Variants in TCF4 observed in about 807,000 individuals in gnomAD.
TCF4 encodes the protein SL3-3 enhancer factor 2.
Under a neutral mutation model 82.1 loss-of-function variants are expected in TCF4, and 3 were observed. The ratio of observed to expected loss-of-function variants is 0.04; its 90% CI spans 0.02 to 0.09. TCF4 has a LOEUF of 0.09. TCF4 is among the 10% of genes least tolerant of loss of function. The probability of loss-of-function intolerance (pLI) is 1.00; values close to 1 mark genes in which losing one functional copy is unlikely to be tolerated. For missense variants in TCF4, 518 were observed against 852.7 expected, an observed-to-expected ratio of 0.61 and a Z score of 4.89; for synonymous variants, 276 against 309.6, an observed-to-expected ratio of 0.89 and a Z score of 1.14.
At chr18:55,606,410 G>A (rs1469214670) in intron 2 of TCF4, among the ~76,000 whole-genome samples, 1 of 152,026 alleles carries the variant, frequency 6.6e-6, no homozygotes, top group African/African-American at 2.4e-5. Flanking sequence ...TCTCTGTTCT[G>A]AGCCTAATTC....
rs191457696 is a variant in TCF4, at chr18:55,367,877, A to G, written c.370-16874T>C. ...AGGGAGAAGAAGCTTCATTAAACCAATTTACTTATGGCTATTTTGCAACCT... is the reference window on the plus strand; with the variant it reads ...AGGGAGAAGAAGCTTCATTAAACCAGTTTACTTATGGCTATTTTGCAACCT... On this transcript the variant is annotated intron_variant, in intron 6 of 19. Transcript: ENST00000354452. Among the ~76,000 whole-genome samples the G allele has an allele frequency of 7.2e-5, 11 of 152,328 alleles. No individual in the cohort carries two copies. The East Asian group carries it at 2.1e-3, about 29-fold the overall frequency.
chr18:55,313,602 G>A (rs1301666614), intron 8 of TCF4, among the ~76,000 whole-genome samples: 1 of 152,064 alleles, frequency 6.6e-6, no homozygotes, highest in African/African-American at 2.4e-5. Flanking sequence ...TATTCTACTG[G>A]CTGAAGAAAG....
intron 5 of TCF4, among the ~76,000 whole-genome samples, chr18:55,451,228 G>T (rs1236206944): frequency 6.6e-6 from 1 of 152,158 alleles, no homozygotes; most frequent in Non-Finnish European, 1.5e-5. Flanking sequence ...TCATTACCCA[G>T]ACGAAAATGA....
chr18:55,589,120 C>T (rs2097677980), upstream of TCF4, among the ~76,000 whole-genome samples: 1 of 151,814 alleles, frequency 6.6e-6, no homozygotes, highest in South Asian at 2.1e-4. Flanking sequence ...ACACATTCTA[C>T]AAATCCTGGT....
intron 14 of TCF4, among the ~76,000 whole-genome samples, chr18:55,256,399 G>A (rs933103333): frequency 2.0e-5 from 3 of 152,128 alleles, no homozygotes; most frequent in Admixed American, 2.0e-4. Context: ...GCTGGGTAGT[G>A]CATATATGTT....
chr18:55,353,001 C>T (rs188924018), intron 6 of TCF4, among the ~76,000 whole-genome samples: 1 of 152,270 alleles, frequency 6.6e-6, no homozygotes, highest in Admixed American at 6.5e-5. Context: ...CAAATCACCC[C>T]TATTTCTTCA....
intron 6 of TCF4, among the ~76,000 whole-genome samples, chr18:55,389,075 G>A (rs9953983): frequency 0.058 from 8,830 of 151,284 alleles, 816 homozygotes; most frequent in African/African-American, 0.2. Context: ...GCAGTGAGCC[G>A]AGATCACACC....
intron 3 of TCF4, among the ~76,000 whole-genome samples, chr18:55,516,134 A>G (rs1001446992): frequency 2.6e-5 from 4 of 152,144 alleles, no homozygotes; most frequent in Non-Finnish European, 5.9e-5. Context: ...ACTTACGGAG[A>G]CAGGGCTGTA....
At chr18:55,417,668 C>A (rs1335461120) in intron 5 of TCF4, among the ~76,000 whole-genome samples, 1 of 152,070 alleles carries the variant, frequency 6.6e-6, no homozygotes, top group Admixed American at 6.5e-5. Flanking sequence ...CCCTAAGACA[C>A]TCTGATGATT....
chr18:55,301,765 T>C (rs2146963206), intron 8 of TCF4, among the ~76,000 whole-genome samples: 1 of 111,616 alleles, frequency 9.0e-6, no homozygotes, highest in South Asian at 3.1e-4. Context: ...AACAGTAATC[T>C]AGTGAGCTAA....
intron 6 of TCF4, among the ~76,000 whole-genome samples, chr18:55,352,178 A>T (rs1306263372): frequency 6.6e-6 from 1 of 152,164 alleles, no homozygotes; most frequent in Admixed American, 6.6e-5. Flanking sequence ...AAATTTCACA[A>T]GGCAGTCACC....
rs1474116510 is a variant in TCF4 at position 55,633,189 on chromosome 18, G to C, written c.196-1801C>G. On this transcript the variant is annotated intron_variant, in intron 1 of 20. Coordinates refer to the TCF4 transcript ENST00000398339. This position sits in a 1 kb window ranked among gnomAD's most constrained non-coding sequence, Gnocchi z 4.0. ...TGGCTTACGGTCTGTTCTGAGGTTT[G>C]AGCCAAGATGTGGACTGGGCCTGCA... Among the ~76,000 whole-genome samples the C allele has an allele frequency of 6.6e-6, 1 of 152,182 alleles. No homozygotes were observed. The highest frequency in any genetic ancestry group is 1.9e-4 in the East Asian group (1 of 5,198).
chr18:55,632,252 A>G (rs2097732304), intron 1 of TCF4, among the ~76,000 whole-genome samples: 2 of 152,056 alleles, frequency 1.3e-5, no homozygotes, highest in Non-Finnish European at 2.9e-5. Flanking sequence ...GTTAGCCAGG[A>G]CGGTCTCCAT....
intron 5 of TCF4, chr18:55,452,606 T>C (rs1383422028): frequency 6.6e-6 from 1 of 152,600 alleles, no homozygotes; most frequent in Non-Finnish European, 1.5e-5. Flanking sequence ...AAAAGAGTGG[T>C]TGGTGGCTGG....
chr18:55,554,284 G>A (rs1170847876), intron 3 of TCF4, among the ~76,000 whole-genome samples: 1 of 151,678 alleles, frequency 6.6e-6, no homozygotes, highest in Admixed American at 6.6e-5. Flanking sequence ...ATAGGAGGAG[G>A]GGAGAAAATA....
intron 2 of TCF4, among the ~76,000 whole-genome samples, chr18:55,618,213 AATG>A (rs2097714120): frequency 1.3e-5 from 2 of 152,172 alleles, no homozygotes; most frequent in Non-Finnish European, 1.5e-5. Context: ...CATCTATTGA[AATG>A]ATGATGTGAT....
At chr18:55,317,154 T>C (rs1190969865) in intron 8 of TCF4, among the ~76,000 whole-genome samples, 3 of 152,162 alleles carry the variant, frequency 2.0e-5, no homozygotes, top group South Asian at 4.1e-4. Context: ...AAAAAAAATT[T>C]CATTGTTATT....
intron 6 of TCF4, among the ~76,000 whole-genome samples, chr18:55,357,283 T>C (rs533095563): frequency 1.2e-4 from 18 of 152,244 alleles, no homozygotes; most frequent in Non-Finnish European, 2.9e-5. Flanking sequence ...AAAGAAAACA[T>C]TGAGACAATC....
chr18:55,280,106 AG>A (rs1218042511), intron 8 of TCF4, among the ~76,000 whole-genome samples: 1 of 152,178 alleles, frequency 6.6e-6, no homozygotes, highest in African/African-American at 2.4e-5. Context: ...GAGAGGAGGT[AG>A]GGAGGGGGGA....
Sources: allele counts gnomAD v4.1 joint callset (sites outside exome capture counted in the v4.1 genomes callset), GRCh38; gene constraint gnomAD v4.1.1; non-coding constraint Gnocchi (gnomAD v3.1); transcripts MANE v1.5; gene names NCBI Gene and HGNC (gene_info 2026-07-23, HGNC 2026-07-21).